The following FBN2 variants were observed in gnomAD, a reference collection of about 807,000 sequenced individuals.
The protein encoded by FBN2 is fibrillin-2.
Under a neutral mutation model 355.6 loss-of-function variants are expected in FBN2, and 105 were observed. That is an observed-to-expected ratio of 0.30 (90% CI 0.25 to 0.35). FBN2 has a LOEUF of 0.35. Ranked by LOEUF, FBN2 falls within the 10% of genes least tolerant of loss-of-function variation. FBN2 has a pLI of 1.00. For synonymous variants in FBN2, 1,350 were observed against 1,301.2 expected, an observed-to-expected ratio of 1.04 and a Z score of -0.81; for missense variants, 3,280 against 3,758.7, an observed-to-expected ratio of 0.87 and a Z score of 3.33.
intron 15 of FBN2, among the ~76,000 whole-genome samples, chr5:128,369,694 C>A (rs958327341): frequency 6.6e-6 from 1 of 152,150 alleles, no homozygotes; most frequent in Admixed American, 6.5e-5. Context: ...AATGACACTT[C>A]TTATTTCAAT....
chr5:128,269,868 G>C (rs1007952475), intron 62 of FBN2, among the ~76,000 whole-genome samples: 1 of 152,236 alleles, frequency 6.6e-6, no homozygotes, highest in African/African-American at 2.4e-5. Context: ...TGGAACCAAA[G>C]AAGAGCGTGT....
intron 11 of FBN2, among the ~76,000 whole-genome samples, chr5:128,383,535 AC>A (rs1289099069): frequency 6.6e-6 from 1 of 152,140 alleles, no homozygotes; most frequent in Non-Finnish European, 1.5e-5. Context: ...AAGGCAAGCC[AC>A]AGGCTAGGAG....
At position 128,278,742 on chromosome 5, in the gene FBN2, T is replaced by G. The variant is rs564440705; in HGVS notation, c.7238A>C (p.Asp2413Ala). 6.2e-7 allele frequency: 1 copy of G among 1,614,178 alleles called. No homozygotes were observed. The highest frequency in any genetic ancestry group is 8.5e-7 in the Non-Finnish European group (1 of 1,180,018). The change falls in exon 57 of 65, where the codon GAT becomes GCT. Residue 2413 changes from aspartate to alanine, a missense_variant. Physicochemically the swap from Asp to Ala is moderately radical, Grantham distance 126. Coordinates refer to ENST00000262464, the MANE Select transcript of FBN2 (RefSeq NM_001999.4). ...NLVTKSECCC[D>A]GGRGWGHQCE... is the part of the protein sequence containing the mutation. ...CTGGTGGCCCCAGCCTCGCCCACCA[T>G]CACAGCAGCATTCTGACTTAGTGAC...
At chr5:128,378,955 C>T (rs1752158568) in intron 11 of FBN2, 65 bp from the exon 12 acceptor site, 3 of 1,585,850 alleles carry the variant, frequency 1.9e-6, no homozygotes, top group Non-Finnish European at 8.7e-7. Context: ...GTTTAAAGTA[C>T]ATTTAGTCCT....
At position 128,353,976 on chromosome 5, in the gene FBN2, T is replaced by C. The variant is rs1447023966; in HGVS notation, c.2675-2971A>G. ...TCATCCTTCTCTCTCTCCGATTCCT[T>C]TCCTCCATCCTCCCTCCCTGTCTCC... is the stretch of plus-strand genomic sequence containing the variant. On this transcript the variant is annotated intron_variant, in intron 20 of 64. Transcript: ENST00000262464. Among the ~76,000 whole-genome samples the C allele has an allele frequency of 2.0e-5, 3 of 152,100 alleles. No homozygotes were observed. In the East Asian group the frequency reaches 5.8e-4, roughly 29 times the overall value.
chr5:128,533,459 G>A (rs1034459745), intron 2 of FBN2, among the ~76,000 whole-genome samples: 6 of 152,128 alleles, frequency 3.9e-5, no homozygotes, highest in African/African-American at 7.2e-5. Flanking sequence ...TACTGAATAC[G>A]TCCCTCCCAC....
Position 128,432,100 on chromosome 5 carries a change from C to G in FBN2, c.952+14381G>C, listed in dbSNP as rs1339090089. Among the ~76,000 whole-genome samples, 3 of 152,060 alleles carry G rather than the reference C, an allele frequency of 2.0e-5. No individual in the cohort carries two copies. The East Asian group carries it at 5.8e-4, about 29-fold the overall frequency. Reference sequence around the variant, plus strand: ...TTCACCTCCATACCTATTGAAATACCCTGAATCATTTAAATTACATCTCTC... The same window carrying G: ...TTCACCTCCATACCTATTGAAATACGCTGAATCATTTAAATTACATCTCTC... On this transcript the variant is annotated intron_variant, in intron 7 of 64. Coordinates refer to ENST00000262464, the MANE Select transcript of FBN2 (RefSeq NM_001999.4).
intron 6 of FBN2, among the ~76,000 whole-genome samples, chr5:128,456,023 A>AACAAAAAAAAAAAAAAAAAAGC (rs1554070903): frequency 6.9e-6 from 1 of 145,782 alleles, no homozygotes; most frequent in Non-Finnish European, 1.5e-5. Flanking sequence ...AAAAAAAAAA[A>AACAAAAAAAAAAAAAAAAAAGC]GCAACTGCTG....
intron 7 of FBN2, among the ~76,000 whole-genome samples, chr5:128,415,964 AT>A (rs1753184007): frequency 1.3e-5 from 2 of 150,178 alleles, no homozygotes; most frequent in South Asian, 2.1e-4. Context: ...AATACTGAGC[AT>A]TTTTTCAAGT....
chr5:128,332,920 T>A lies in FBN2; in HGVS notation c.4214A>T (p.Lys1405Met). The change falls in exon 32 of 65, where the codon AAG (lysine) becomes ATG (methionine). Residue 1405 changes from lysine (K) to methionine (M), a missense_variant. By Grantham distance (95) the Lys-to-Met change is moderately conservative. Around this residue, in one of 6 missense-constraint regions of FBN2, gnomAD observed 2,284 missense variants for 2,749.5 expected, o/e 0.83. Transcript: ENST00000262464. ...TACATTTGCAAACTCACCAATACAC[T>A]TGATGCCGTTTCCAATCCAGCCTTC... ...CREGWIGNGI[K>M]CIDLDECSNG... The A allele has an allele frequency of 6.2e-7, 1 of 1,613,948 alleles. No individual in the cohort carries two copies.
chr5:128,494,815 G>A (rs1271071564), intron 5 of FBN2, among the ~76,000 whole-genome samples: 1 of 152,138 alleles, frequency 6.6e-6, no homozygotes, highest in Non-Finnish European at 1.5e-5. Flanking sequence ...CAAGACCCTG[G>A]GGTGTGGGCA....
intron 5 of FBN2, among the ~76,000 whole-genome samples, chr5:128,479,972 CTCTCTATATATATATATATA>C (rs1209440778): frequency 0.014 from 285 of 20,408 alleles, no homozygotes; most frequent in Non-Finnish European, 0.014. Context: ...CTCTCTCTCT[CTCTCTATATATATATATATA>C]TATATATATA....
chr5:128,424,791 A>G (rs2127021340), intron 7 of FBN2, among the ~76,000 whole-genome samples: 1 of 152,320 alleles, frequency 6.6e-6, no homozygotes, highest in South Asian at 2.1e-4. Context: ...AATTTGCAGT[A>G]ACTCAGGCAT....
chr5:128,322,975 G>C (rs1750425703), intron 34 of FBN2, among the ~76,000 whole-genome samples: 1 of 152,104 alleles, frequency 6.6e-6, no homozygotes, highest in East Asian at 1.9e-4. Context: ...TCTCCTTTAA[G>C]AGGCCCTTCA....
chr5:128,490,129 A>G (rs1282892442), intron 5 of FBN2, among the ~76,000 whole-genome samples: 1 of 152,222 alleles, frequency 6.6e-6, no homozygotes, highest in East Asian at 1.9e-4. Context: ...CTTTCCACAC[A>G]TTATACAACA....
At position 128,258,166 on chromosome 5, in the gene FBN2, G is replaced by C. The variant is rs529405664; in HGVS notation, c.*1289C>G. ...CATGTGCTTTGGCCATTTCACATAT[G>C]AGGTTTGGTCACTGGTCCAGGAAAC... On this transcript the variant is annotated 3_prime_UTR_variant, in exon 65 of 65. Coordinates refer to ENST00000262464, the MANE Select transcript of FBN2 (RefSeq NM_001999.4). 2 of 152,678 alleles carry C rather than the reference G, an allele frequency of 1.3e-5. No individual in the cohort carries two copies. The highest frequency in any genetic ancestry group is 3.9e-4 in the East Asian group (2 of 5,172). The allele number at this position is 152,678 out of a possible 1,614,324, so 9.5% of individuals were successfully genotyped here. A position where few individuals can be genotyped will look rare whatever the true frequency, so the allele number is the denominator to read the frequency against.
intron 64 of FBN2, among the ~76,000 whole-genome samples, chr5:128,260,933 G>A (rs912739224): frequency 6.6e-6 from 1 of 152,178 alleles, no homozygotes; most frequent in African/African-American, 2.4e-5. Context: ...AAATCATCAA[G>A]ATCTCTAGAT....
intron 5 of FBN2, among the ~76,000 whole-genome samples, chr5:128,500,138 C>G (rs1454233942): frequency 1.3e-5 from 2 of 151,868 alleles, no homozygotes; most frequent in Non-Finnish European, 2.9e-5. Context: ...GATTTCAGGT[C>G]AAAAACTTTT....
rs116663389 is a variant in FBN2, at chr5:128,300,320, C to T, written c.6166+497G>A. 5.5e-3 allele frequency among the ~76,000 whole-genome samples: 831 copies of T among 152,280 alleles called. 6 individuals carry two copies. The highest frequency in any genetic ancestry group is 0.019 in the African/African-American group (796 of 41,542). ...ACACTTTTGATGTGGTTACAGTGTT[C>T]GTGTGTGCTGGAAGGGTTTCAACAG... On this transcript the variant is annotated intron_variant, in intron 48 of 64. Coordinates refer to ENST00000262464, the MANE Select transcript of FBN2 (RefSeq NM_001999.4).
Sources: gnomAD v4.1 joint callset for allele counts (sites outside exome capture counted in the v4.1 genomes callset) on GRCh38, gnomAD v4.1.1 for gene constraint, gnomAD v4.1.1 regional missense constraint, MANE v1.5 for transcripts, NCBI Gene and HGNC (gene_info 2026-07-23, HGNC 2026-07-21) for gene names.